The following SNX30 variants were observed in gnomAD, a reference collection of about 807,000 sequenced individuals.
SNX30 encodes the protein sorting nexin family member 30.
A neutral mutation model predicts 46.4 loss-of-function variants in SNX30; 24 were observed. The observed-to-expected ratio is 0.52, with a 90% CI of 0.37 to 0.73. The LOEUF is 0.73. Among genes scored for constraint, SNX30 ranks in the 30% least tolerant of loss-of-function variants. The pLI is 0.00. For synonymous variants in SNX30, 189 were observed against 211.5 expected (o/e 0.89, Z 0.92); for missense variants, 533 against 555.7 (o/e 0.96, Z 0.41).
At chr9:112,836,878 T>C (rs1840762619) in intron 5 of SNX30, among the ~76,000 whole-genome samples, 1 of 152,170 alleles carries the variant, frequency 6.6e-6, no homozygotes, top group Admixed American at 6.5e-5. Context: ...CCACCGTGGT[T>C]CATTTTAAAC....
chr9:112,790,921 G>A (rs557495436), intron 1 of SNX30, among the ~76,000 whole-genome samples: 35 of 152,016 alleles, frequency 2.3e-4, no homozygotes, highest in East Asian at 1.3e-3. Context: ...ATATTATTGC[G>A]GTAACTAGAC....
chr9:112,879,507 C>G, downstream of SNX30: 1 of 461,832 alleles, frequency 2.2e-6, no homozygotes, highest in East Asian at 3.3e-5. Flanking sequence ...AGGTCATGCT[C>G]TGCTGTCACA....
intron 1 of SNX30, among the ~76,000 whole-genome samples, chr9:112,779,790 C>T (rs1031228762): frequency 1.3e-5 from 2 of 152,144 alleles, no homozygotes; most frequent in Non-Finnish European, 2.9e-5. Flanking sequence ...CCATGCAGGG[C>T]GCACTTGGCT....
chr9:112,813,128 G>A (rs907948065), intron 2 of SNX30, among the ~76,000 whole-genome samples: 3 of 151,964 alleles, frequency 2.0e-5, no homozygotes, highest in Admixed American at 1.3e-4. Flanking sequence ...CAGCCTGGTC[G>A]ACAGAGTGAG....
chr9:112,772,429 G>A (rs1839667409), intron 1 of SNX30, among the ~76,000 whole-genome samples: 1 of 152,150 alleles, frequency 6.6e-6, no homozygotes, highest in Admixed American at 6.5e-5. Flanking sequence ...GAGTAACCTA[G>A]AAAGTATCTC....
At chr9:112,850,578 G>A (rs1394749481) in intron 6 of SNX30, among the ~76,000 whole-genome samples, 3 of 152,240 alleles carry the variant, frequency 2.0e-5, no homozygotes, top group African/African-American at 7.2e-5. Context: ...GATGGGTGCT[G>A]TTTCCTCCAC....
chr9:112,828,947 A>G (rs1013262149), intron 3 of SNX30, among the ~76,000 whole-genome samples: 1 of 151,694 alleles, frequency 6.6e-6, no homozygotes, highest in African/African-American at 2.4e-5. Context: ...GGCAACCACC[A>G]TCTACTGTCT....
At chr9:112,841,052 G>A (rs1218059069) in intron 6 of SNX30, among the ~76,000 whole-genome samples, 4 of 152,226 alleles carry the variant, frequency 2.6e-5, no homozygotes, top group Non-Finnish European at 4.4e-5. Flanking sequence ...GTGAGCCACT[G>A]CACCTAGCCC....
chr9:112,798,121 C>CTTTT (rs57300324), intron 1 of SNX30, among the ~76,000 whole-genome samples: 13 of 77,880 alleles, frequency 1.7e-4, no homozygotes, highest in South Asian at 5.4e-4. Context: ...TTTTTTTTTT[C>CTTTT]TTTTTTTTTT....
At chr9:112,791,548 A>T (rs1422265745) in intron 1 of SNX30, among the ~76,000 whole-genome samples, 1 of 151,726 alleles carries the variant, frequency 6.6e-6, no homozygotes, top group East Asian at 1.9e-4. Context: ...AGTAGCTGAG[A>T]CTACAGGTGT....
At chr9:112,813,921 T>G (rs1840358248) in intron 2 of SNX30, among the ~76,000 whole-genome samples, 1 of 152,270 alleles carries the variant, frequency 6.6e-6, no homozygotes, top group Non-Finnish European at 1.5e-5. Flanking sequence ...AATATTGCAA[T>G]GAAGATCATT....
rs891156096 is a variant in SNX30, at chr9:112,869,946, C to G, written c.*1103C>G. 4 of 152,200 alleles carry G rather than the reference C, an allele frequency of 2.6e-5. No individual in the cohort carries two copies. Among genetic ancestry groups the G allele is most frequent in the Non-Finnish European group, 5.9e-5 (4 of 68,002 alleles). The allele number at this position is 152,200 out of a possible 1,614,324, so 9.4% of individuals were successfully genotyped here. On this transcript the variant is annotated 3_prime_UTR_variant, in exon 9 of 9. Coordinates refer to ENST00000374232, the MANE Select transcript of SNX30 (RefSeq NM_001012994.2). ...AATGTTCTACATAAAGTGCTTTAACCCTTAACATTTCCTGGTCAGGAAGGA... is the reference window on the plus strand; with the variant it reads ...AATGTTCTACATAAAGTGCTTTAACGCTTAACATTTCCTGGTCAGGAAGGA...
At chr9:112,815,525 T>G (rs1168227354) in intron 2 of SNX30, among the ~76,000 whole-genome samples, 1 of 152,090 alleles carries the variant, frequency 6.6e-6, no homozygotes, top group Non-Finnish European at 1.5e-5. Context: ...CACAACTGGC[T>G]AATTTTTGTA....
chr9:112,783,241 C>T (rs375121314), intron 1 of SNX30, among the ~76,000 whole-genome samples: 6 of 152,306 alleles, frequency 3.9e-5, no homozygotes, highest in African/African-American at 1.4e-4. Context: ...AGCCTCTGCT[C>T]TGGAGTCTCC....
intron 2 of SNX30, among the ~76,000 whole-genome samples, chr9:112,816,237 G>C (rs115654771): frequency 0.023 from 3,467 of 152,316 alleles, 133 homozygotes; most frequent in African/African-American, 0.075. Flanking sequence ...CATAGGCGCA[G>C]AGTCCTTCCT....
intron 4 of SNX30, among the ~76,000 whole-genome samples, chr9:112,831,942 C>T (rs557558720): frequency 2.0e-5 from 3 of 152,308 alleles, no homozygotes; most frequent in South Asian, 4.1e-4. Context: ...CCATATGTAA[C>T]ATGTTCCATG....
chr9:112,867,969 C>G (rs4979174), intron 8 of SNX30, among the ~76,000 whole-genome samples: 11 of 152,090 alleles, frequency 7.2e-5, no homozygotes, highest in African/African-American at 2.7e-4. Flanking sequence ...GAGGACAATG[C>G]CAGAGTGTTC....
intron 8 of SNX30, among the ~76,000 whole-genome samples, chr9:112,865,939 C>A (rs1231442029): frequency 6.6e-6 from 1 of 151,918 alleles, no homozygotes; most frequent in African/African-American, 2.4e-5. Context: ...TGTCAAATGT[C>A]TCTGTTGCTC....
chr9:112,808,798 C>A (rs763879222), intron 2 of SNX30, among the ~76,000 whole-genome samples: 29 of 152,150 alleles, frequency 1.9e-4, no homozygotes, highest in Non-Finnish European at 3.8e-4. Flanking sequence ...TGCCAGTAAG[C>A]ATGCTTTTAT....
Sources: allele counts gnomAD v4.1 joint callset (sites outside exome capture counted in the v4.1 genomes callset), GRCh38; gene constraint gnomAD v4.1.1; transcripts MANE v1.5; gene names NCBI Gene and HGNC (gene_info 2026-07-23, HGNC 2026-07-21).